COL21A1: variants seen among roughly 807,000 people sequenced by gnomAD.
COL21A1 encodes the protein collagen type XXI alpha 1 chain, also known as collagen alpha-1(XXI) chain.
COL21A1 carries 149 observed loss-of-function variants against 137.9 expected under a neutral mutation model. That is an observed-to-expected ratio of 1.08 (90% CI 0.95 to 1.24). COL21A1 has a LOEUF of 1.24. Among genes scored for constraint, COL21A1 ranks in the 50% most tolerant of loss-of-function variants. The pLI is 0.00. For synonymous variants in COL21A1, 456 were observed against 391.5 expected (o/e 1.16, Z -1.95); for missense variants, 1,167 against 1,158.4 (o/e 1.01, Z -0.11).
chr6:56,354,081 A>G (rs541923195), intron 1 of COL21A1, among the ~76,000 whole-genome samples: 6 of 152,342 alleles, frequency 3.9e-5, no homozygotes, highest in African/African-American at 1.2e-4. Context: ...ACTCAAGAAC[A>G]TGGATGAATT....
At chr6:56,383,201 T>C (rs1351669481) in intron 1 of COL21A1, among the ~76,000 whole-genome samples, 3 of 152,146 alleles carry the variant, frequency 2.0e-5, no homozygotes, top group Non-Finnish European at 2.9e-5. Context: ...CTCTTCTAGA[T>C]TCCAGACAGC....
intron 18 of COL21A1, among the ~76,000 whole-genome samples, 179 bp downstream of exon 18, chr6:56,077,350 A>G (rs1435097199): frequency 6.6e-6 from 1 of 151,410 alleles, no homozygotes; most frequent in Non-Finnish European, 1.5e-5. Flanking sequence ...AATATTATCT[A>G]TATAAAACAA....
chr6:56,322,358 G>C (rs1381599626), intron 1 of COL21A1, among the ~76,000 whole-genome samples: 1 of 152,066 alleles, frequency 6.6e-6, no homozygotes, highest in Non-Finnish European at 1.5e-5. Flanking sequence ...ATATTCACCT[G>C]ACCTCTCATC....
intron 1 of COL21A1, among the ~76,000 whole-genome samples, chr6:56,278,465 G>A (rs1047667845): frequency 1.3e-5 from 2 of 152,106 alleles, no homozygotes; most frequent in Non-Finnish European, 2.9e-5. Context: ...GGCCTGTGGA[G>A]GGGCCTATAA....
At chr6:56,088,296 G>A (rs12192490) in intron 17 of COL21A1, among the ~76,000 whole-genome samples, 23,078 of 151,950 alleles carry the variant, frequency 0.15, 1,782 homozygotes, top group Middle Eastern at 0.22. Context: ...CCCGGGAGGT[G>A]GAGGTTGCAG....
intron 3 of COL21A1, among the ~76,000 whole-genome samples, chr6:56,177,098 T>C (rs1317342759): frequency 6.6e-6 from 1 of 151,076 alleles, no homozygotes; most frequent in East Asian, 1.9e-4. Context: ...GAAGTGGTAG[T>C]AGTAGAAGTA....
intron 1 of COL21A1, among the ~76,000 whole-genome samples, chr6:56,202,920 C>T (rs1381434509): frequency 6.6e-6 from 1 of 152,128 alleles, no homozygotes; most frequent in East Asian, 1.9e-4. Flanking sequence ...TTGCCTGTGC[C>T]AGCAAATGCA....
rs552769202 is a variant in COL21A1 at position 56,292,640 on chromosome 6, C to T, written c.-39+101331G>A. Among the ~76,000 whole-genome samples the T allele has an allele frequency of 3.7e-4, 57 of 152,214 alleles. 1 individual carries two copies. The South Asian group carries it at 0.011, about 29-fold the overall frequency. ...GTGGGAGAACATAGTAGCTCAGTGCCAACACATGGACACAGCTGAAGAAAT... is the reference window on the plus strand; with the variant it reads ...GTGGGAGAACATAGTAGCTCAGTGCTAACACATGGACACAGCTGAAGAAAT... On this transcript the variant is annotated intron_variant, in intron 1 of 28. Transcript: ENST00000370819.
At chr6:56,226,997 A>T (rs536378001) in intron 1 of COL21A1, among the ~76,000 whole-genome samples, 6 of 152,076 alleles carry the variant, frequency 3.9e-5, no homozygotes, top group Non-Finnish European at 8.8e-5. Context: ...TATTTTCCAA[A>T]CTTAAAATGG....
intron 10 of COL21A1, among the ~76,000 whole-genome samples, chr6:56,148,338 C>CAGACAGAGAGAGAGAGAGAGAG (rs1554145108): frequency 3.0e-5 from 4 of 133,176 alleles, no homozygotes; most frequent in Non-Finnish European, 4.7e-5. Context: ...AGACAAGAGA[C>CAGACAGAGAGAGAGAGAGAGAG]AGAGAGAGAG....
chr6:56,060,204 A>G lies in COL21A1; in HGVS notation c.2422T>C (p.Leu808=). The G allele has an allele frequency of 6.2e-7, 1 of 1,602,652 alleles. No individual in the cohort carries two copies. Among genetic ancestry groups the G allele is most frequent in the Non-Finnish European group, 8.5e-7 (1 of 1,176,100 alleles). The change falls in exon 28 of 30, where the codon TTA becomes CTA. Residue 808 remains leucine, a synonymous_variant. Transcript: ENST00000244728. ...TDVIRAQLPV[L]LQSGRIRNCD... ...TTTCTAATTCTTCCACTCTGAAGTAAGACTGGTAGCTGGGCTTTCAAAAAC... is the reference window on the plus strand; with the variant it reads ...TTTCTAATTCTTCCACTCTGAAGTAGGACTGGTAGCTGGGCTTTCAAAAAC...
At chr6:56,063,824 T>G (rs761203186) in intron 24 of COL21A1, among the ~76,000 whole-genome samples, 2 of 152,056 alleles carry the variant, frequency 1.3e-5, no homozygotes, top group Non-Finnish European at 2.9e-5. Flanking sequence ...CCACTCACCC[T>G]CAGAGAAAGA....
At chr6:56,221,869 G>A (rs1191459959) in intron 1 of COL21A1, among the ~76,000 whole-genome samples, 1 of 151,958 alleles carries the variant, frequency 6.6e-6, no homozygotes, top group Non-Finnish European at 1.5e-5. Context: ...ATTAAGTATT[G>A]CCAAAAAACA....
At chr6:56,350,164 T>A (rs909518491) in intron 1 of COL21A1, among the ~76,000 whole-genome samples, 2 of 152,114 alleles carry the variant, frequency 1.3e-5, no homozygotes, top group African/African-American at 4.8e-5. Flanking sequence ...ATTGACCAGC[T>A]AGGATTCAAT....
At chr6:56,169,689 C>A (rs900943998) in intron 5 of COL21A1, among the ~76,000 whole-genome samples, 1 of 151,846 alleles carries the variant, frequency 6.6e-6, no homozygotes, top group African/African-American at 2.4e-5. Context: ...CCTTCAAGGT[C>A]CAGTTCAAAA....
intron 1 of COL21A1, among the ~76,000 whole-genome samples, chr6:56,270,559 T>A (rs964831610): frequency 1.3e-5 from 2 of 152,290 alleles, no homozygotes; most frequent in Middle Eastern, 3.4e-3. Flanking sequence ...AACACTCAAC[T>A]AATTGGACCA....
intron 1 of COL21A1, among the ~76,000 whole-genome samples, chr6:56,369,735 A>C (rs1766187598): frequency 6.6e-6 from 1 of 152,236 alleles, no homozygotes; most frequent in Non-Finnish European, 1.5e-5. Flanking sequence ...CCAATTCGCC[A>C]AAGAAGAATC....
intron 1 of COL21A1, among the ~76,000 whole-genome samples, chr6:56,343,502 C>T (rs1025518049): frequency 2.6e-5 from 4 of 152,288 alleles, no homozygotes; most frequent in African/African-American, 9.6e-5. Flanking sequence ...TTATTTCGAC[C>T]ACATGTGGCT....
chr6:56,380,616 C>T (rs945538779), intron 1 of COL21A1, among the ~76,000 whole-genome samples: 12 of 152,198 alleles, frequency 7.9e-5, no homozygotes, highest in Non-Finnish European at 1.6e-4. Context: ...CAAGGTGACT[C>T]TCTGCCTTCC....
Sources: gnomAD v4.1 joint callset for allele counts (sites outside exome capture counted in the v4.1 genomes callset) on GRCh38, gnomAD v4.1.1 for gene constraint, MANE v1.5 for transcripts, NCBI Gene and HGNC (gene_info 2026-07-23, HGNC 2026-07-21) for gene names.